SHC4: variants seen among roughly 807,000 people sequenced by gnomAD.
SHC4 encodes SHC adaptor protein 4.
Under a neutral mutation model 69.4 loss-of-function variants are expected in SHC4, and 41 were observed. The ratio of observed to expected loss-of-function variants is 0.59; its 90% CI spans 0.46 to 0.77. SHC4 has a LOEUF of 0.77. SHC4 is among the 30% of genes least tolerant of loss of function. The probability of loss-of-function intolerance (pLI) is 0.00; values close to 1 mark genes in which losing one functional copy is unlikely to be tolerated. For missense variants in SHC4, 777 were observed against 783.8 expected (o/e 0.99, Z 0.10); for synonymous variants, 318 against 299.3 (o/e 1.06, Z -0.64).
chr15:48,962,160 C>A (rs1049018304), intron 1 of SHC4, among the ~76,000 whole-genome samples: 2 of 152,176 alleles, frequency 1.3e-5, no homozygotes, highest in African/African-American at 4.8e-5. Context: ...TCTATCAGAA[C>A]TTGCCTCTAC....
chr15:48,907,277 T>A (rs956154073), intron 2 of SHC4, among the ~76,000 whole-genome samples: 1 of 151,008 alleles, frequency 6.6e-6, no homozygotes, highest in African/African-American at 2.4e-5. Flanking sequence ...CAGGCTAGAG[T>A]GCAGTGGCGC....
At chr15:48,839,119 A>T (rs991561612) in intron 10 of SHC4, among the ~76,000 whole-genome samples, 2 of 152,210 alleles carry the variant, frequency 1.3e-5, no homozygotes, top group African/African-American at 4.8e-5. Flanking sequence ...CTGATCAAGT[A>T]AAAAGGAGAA....
Position 48,962,848 on chromosome 15 carries a change from C to T in SHC4, c.168G>A (p.Pro56=), listed in dbSNP as rs140544292. ...SGGSVGNKGS[P]QPPHPALAPH... ...GTGCCAGGGCGGGGTGGGGAGGCTG[C>T]GGCGAGCCCTTGTTCCCGACCGAGC... Residue 56 remains proline (P), a synonymous_variant, in exon 1 of 12, where the codon CCG becomes CCA. Coordinates refer to ENST00000332408, the MANE Select transcript of SHC4 (RefSeq NM_203349.4). The T allele has an allele frequency of 4.3e-5, 69 of 1,612,706 alleles. No homozygotes were observed. Among genetic ancestry groups the T allele is most frequent in the Non-Finnish European group, 5.7e-5 (67 of 1,179,980 alleles).
In SHC4 at chr15:48,962,717, G is replaced by T. The variant is rs1323387285; in HGVS notation, c.299C>A (p.Thr100Asn). 1 of 1,614,030 alleles carries T rather than the reference G, an allele frequency of 6.2e-7. No homozygotes were observed. The highest frequency in any genetic ancestry group is 1.1e-5 in the South Asian group (1 of 91,078). The part of the protein sequence containing the change: ...MASMKLANPA[T>N]LLSLKNFCLG... ...GCAAAAGTTTTTCAGACTCAGCAAA[G>T]TGGCCGGGTTGGCCAGCTTCATGCT... The change falls in exon 1 of 12, where the codon ACT (threonine) becomes AAT (asparagine). Residue 100 changes from threonine (T) to asparagine (N), a missense_variant. By Grantham distance (65) the Thr-to-Asn change is moderately conservative. Transcript: ENST00000332408.
chr15:48,826,255 T>A (rs1936115302), intron 11 of SHC4, 129 bp from the exon 12 acceptor site: 2 of 370,382 alleles, frequency 5.4e-6, no homozygotes, highest in Non-Finnish European at 7.9e-6. Context: ...AAAAGGTACT[T>A]TTTTTTTTTT....
chr15:48,868,932 G>T (rs1899613507), intron 5 of SHC4, among the ~76,000 whole-genome samples: 1 of 152,212 alleles, frequency 6.6e-6, no homozygotes, highest in Admixed American at 6.5e-5. Context: ...AGCCACAATT[G>T]CTGGGGACTT....
chr15:48,903,192 C>A (rs1900346545), intron 2 of SHC4, among the ~76,000 whole-genome samples: 1 of 152,174 alleles, frequency 6.6e-6, no homozygotes, highest in Non-Finnish European at 1.5e-5. Flanking sequence ...ACTTACTCTA[C>A]AAGGCATTTC....
intron 11 of SHC4, among the ~76,000 whole-genome samples, chr15:48,829,657 C>T (rs912563845): frequency 6.6e-6 from 1 of 152,158 alleles, no homozygotes; most frequent in African/African-American, 2.4e-5. Context: ...TGGTGGCTCA[C>T]GCCTATAATC....
intron 10 of SHC4, among the ~76,000 whole-genome samples, chr15:48,838,716 T>A (rs1388778398): frequency 2.2e-5 from 3 of 137,880 alleles, no homozygotes; most frequent in Non-Finnish European, 5.1e-5. Context: ...AGAAAAAACA[T>A]AATAAAGATC....
intron 10 of SHC4, among the ~76,000 whole-genome samples, chr15:48,836,985 C>G (rs1409554613): frequency 6.6e-6 from 1 of 152,116 alleles, no homozygotes; most frequent in African/African-American, 2.4e-5. Context: ...CTTAGTGCTG[C>G]CTGCTTTCAG....
intron 5 of SHC4, among the ~76,000 whole-genome samples, chr15:48,871,806 C>T (rs1776897616): frequency 6.6e-6 from 1 of 152,176 alleles, no homozygotes; most frequent in Admixed American, 6.5e-5. Context: ...CAACAAGAAG[C>T]TTATTAGATG....
In SHC4 at chr15:48,839,855, C is replaced by A. The variant is rs529614769; in HGVS notation, c.1483+3554G>T. 3.3e-5 allele frequency among the ~76,000 whole-genome samples: 5 copies of A among 152,298 alleles called. No homozygotes were observed. The East Asian group carries it at 9.6e-4, about 29-fold the overall frequency. On this transcript the variant is annotated intron_variant, in intron 10 of 11. Coordinates refer to ENST00000332408, the MANE Select transcript of SHC4 (RefSeq NM_203349.4). ...CACGAATATTTGTGGCAGAGACAGTCATCTACCAATATCTATCCTCCCTTT... is the reference window on the plus strand; with the variant it reads ...CACGAATATTTGTGGCAGAGACAGTAATCTACCAATATCTATCCTCCCTTT...
intron 1 of SHC4, chr15:48,948,127 G>GT (rs978942833): frequency 2.5e-4 from 38 of 152,188 alleles, no homozygotes; most frequent in African/African-American, 8.4e-4. Context: ...TCCTAGCTGT[G>GT]TTTTTTATTT....
intron 6 of SHC4, among the ~76,000 whole-genome samples, chr15:48,860,577 C>A (rs1026151518): frequency 3.3e-5 from 5 of 151,944 alleles, no homozygotes; most frequent in African/African-American, 1.2e-4. Flanking sequence ...AAAATGGAAA[C>A]AACAATTTTT....
intron 9 of SHC4, among the ~76,000 whole-genome samples, chr15:48,844,431 C>T (rs936754931): frequency 1.3e-5 from 2 of 152,092 alleles, no homozygotes; most frequent in Admixed American, 1.3e-4. Context: ...TGTCTGGGGT[C>T]ACACTGGCCT....
At chr15:48,859,969 G>A (rs1899408856) in intron 6 of SHC4, among the ~76,000 whole-genome samples, 1 of 152,050 alleles carries the variant, frequency 6.6e-6, no homozygotes, top group Non-Finnish European at 1.5e-5. Flanking sequence ...AGGGGTTGCA[G>A]GCTCTAGTGT....
At position 48,866,486 on chromosome 15, in the gene SHC4, A is replaced by G. The variant is rs537443806; in HGVS notation, c.946+1332T>C. Among the ~76,000 whole-genome samples the G allele has an allele frequency of 5.9e-5, 9 of 152,246 alleles. No homozygotes were observed. In the East Asian group the frequency reaches 1.7e-3, roughly 29 times the overall value. On this transcript the variant is annotated intron_variant, in intron 6 of 11. Transcript: ENST00000332408. ...TCATCATTTCATTTCTGACAATCAC[A>G]ATAGCTTCCAAATGGATATCCCTGC...
At position 48,830,027 on chromosome 15, in the gene SHC4, T is replaced by C. The variant is rs140673015; in HGVS notation, c.1738-3901A>G. On this transcript the variant is annotated intron_variant, in intron 11 of 11. Coordinates refer to ENST00000332408, the MANE Select transcript of SHC4 (RefSeq NM_203349.4). ...CTCTATGCTTTTTGATTACAGAATT[T>C]AATATATTTACATTTAAAGTAGTTA... Among the ~76,000 whole-genome samples the C allele has an allele frequency of 9.4e-4, 143 of 152,356 alleles. 1 individual carries two copies. The highest frequency in any genetic ancestry group is 1.6e-3 in the Non-Finnish European group (109 of 68,028).
intron 2 of SHC4, among the ~76,000 whole-genome samples, chr15:48,919,029 G>A (rs1285378097): frequency 6.6e-6 from 1 of 152,082 alleles, no homozygotes; most frequent in Non-Finnish European, 1.5e-5. Flanking sequence ...ATGGGGACAG[G>A]ATTTTGAAGC....
Sources: gnomAD v4.1 joint callset for allele counts (sites outside exome capture counted in the v4.1 genomes callset) on GRCh38, gnomAD v4.1.1 for gene constraint, MANE v1.5 for transcripts, NCBI Gene and HGNC (gene_info 2026-07-23, HGNC 2026-07-21) for gene names.